Variants in R3HDM1 observed in about 807,000 individuals in gnomAD.
The protein encoded by R3HDM1 is R3H domain containing 1, also known as R3H domain-containing protein 1.
R3HDM1 carries 46 observed loss-of-function variants against 141.1 expected under a neutral mutation model. That is an observed-to-expected ratio of 0.33 (90% CI 0.26 to 0.42). R3HDM1 has a LOEUF of 0.42. Among genes scored for constraint, R3HDM1 ranks in the 10% least tolerant of loss-of-function variants. R3HDM1 has a pLI of 1.00. For missense variants in R3HDM1, 1,184 were observed against 1,368.3 expected (o/e 0.87, Z 2.12); for synonymous variants, 435 against 472.9 (o/e 0.92, Z 1.04).
intron 3 of R3HDM1, among the ~76,000 whole-genome samples, chr2:135,612,986 TTA>T (rs1178990623): frequency 6.6e-6 from 1 of 152,240 alleles, no homozygotes; most frequent in Admixed American, 6.5e-5. Flanking sequence ...TCGAAATAAA[TTA>T]TGTTATTGAA....
At chr2:135,562,400 G>A (rs1336833511) in intron 1 of R3HDM1, among the ~76,000 whole-genome samples, 1 of 152,180 alleles carries the variant, frequency 6.6e-6, no homozygotes, top group African/African-American at 2.4e-5. Context: ...TTAAAGTTGA[G>A]TATTAGATGA....
Position 135,724,283 on chromosome 2 carries a change from T to A in R3HDM1, c.3396T>A (p.Ser1132Arg), listed in dbSNP as rs1195740785. The A allele has an allele frequency of 5.6e-6, 9 of 1,607,940 alleles. No homozygotes were observed. The highest frequency in any genetic ancestry group is 1.3e-5 in the African/African-American group (1 of 74,724). ...HYDFHILERASSQ is the reference protein window; with the variant it reads ...HYDFHILERARSQ ...ACTTTCACATTTTGGAAAGGGCAAGTTCTCAGTAACAGCCACCTTTGGACC... is the reference window on the plus strand; with the variant it reads ...ACTTTCACATTTTGGAAAGGGCAAGATCTCAGTAACAGCCACCTTTGGACC... Residue 1132 changes from serine to arginine, a missense_variant, in exon 27 of 27, where the codon AGT becomes AGA. Ser to Arg is a moderately radical substitution (Grantham distance 110, BLOSUM62 -1). This residue lies in a region of R3HDM1 where 182 missense variants were observed against 252.6 expected (regional missense o/e 0.72). Coordinates refer to ENST00000683871, the MANE Select transcript of R3HDM1 (RefSeq NM_001378107.1).
At chr2:135,550,844 T>G (rs1483488967) in intron 1 of R3HDM1, among the ~76,000 whole-genome samples, 1 of 152,200 alleles carries the variant, frequency 6.6e-6, no homozygotes, top group Non-Finnish European at 1.5e-5. Context: ...TCCCCAAAAT[T>G]TAATGGGTTT....
chr2:135,678,883 CTGAG>C lies in R3HDM1; in HGVS notation c.2308-1288_2308-1285del, dbSNP rs555891523. Among the ~76,000 whole-genome samples the C allele has an allele frequency of 3.0e-3, 445 of 150,502 alleles. 2 individuals carry two copies. Among genetic ancestry groups the C allele is most frequent in the African/African-American group, 0.01 (419 of 40,992 alleles). On this transcript the variant is annotated intron_variant, in intron 20 of 26. Coordinates refer to ENST00000683871, the MANE Select transcript of R3HDM1 (RefSeq NM_001378107.1). The stretch of plus-strand genomic sequence containing the variant: ...CAAGCAATTCTTGTGCCTCAGCCTC[CTGAG>C]TAACTGGGACTACAGGCACGCGCCA...
chr2:135,542,008 A>G (rs560813638), intron 1 of R3HDM1, among the ~76,000 whole-genome samples: 2 of 152,288 alleles, frequency 1.3e-5, no homozygotes, highest in East Asian at 1.9e-4. Context: ...ATGAGACCCA[A>G]ATTTAAACAG....
intron 18 of R3HDM1, among the ~76,000 whole-genome samples, chr2:135,660,814 C>G (rs1410389173): frequency 1.3e-5 from 2 of 150,310 alleles, no homozygotes; most frequent in Non-Finnish European, 3.0e-5. Flanking sequence ...GCACTACACT[C>G]CAACCTGGGC....
intron 1 of R3HDM1, chr2:135,583,630 A>C: frequency 1.6e-6 from 1 of 640,398 alleles, no homozygotes; most frequent in Non-Finnish European, 1.9e-6. Flanking sequence ...AGATGTGTTA[A>C]ATTTCTTTTA....
In R3HDM1 at chr2:135,675,493, T is replaced by G. The variant is rs772028875; in HGVS notation, c.2307+7T>G. ...TTCAGTGCCAACATATCAGGTATAT[T>G]GTCTCTTTTATGTACTTTGGGTAGA... is the stretch of plus-strand genomic sequence containing the variant. On this transcript the variant is annotated splice_region_variant and intron_variant, in intron 20 of 26. Coordinates refer to ENST00000683871, the MANE Select transcript of R3HDM1 (RefSeq NM_001378107.1). The G allele has an allele frequency of 1.4e-5, 23 of 1,608,762 alleles. No individual in the cohort carries two copies. In the South Asian group the frequency reaches 2.4e-4, roughly 17 times the overall value.
At chr2:135,635,182 C>A (rs1011781745) in intron 9 of R3HDM1, among the ~76,000 whole-genome samples, 7 of 152,158 alleles carry the variant, frequency 4.6e-5, no homozygotes, top group Non-Finnish European at 1.0e-4. Flanking sequence ...TTAATGGATG[C>A]ACTTTGAAGT....
At chr2:135,606,976 G>T (rs575378540) in intron 3 of R3HDM1, among the ~76,000 whole-genome samples, 2 of 142,114 alleles carry the variant, frequency 1.4e-5, no homozygotes, top group Admixed American at 7.0e-5. Context: ...TTTTTTGGGT[G>T]GGGGGGCGGG....
chr2:135,716,658 G>C (rs1192651743), intron 24 of R3HDM1, among the ~76,000 whole-genome samples: 1 of 152,034 alleles, frequency 6.6e-6, no homozygotes, highest in Non-Finnish European at 1.5e-5. Context: ...ATCACTAAAA[G>C]GGGGCAATAT....
chr2:135,594,992 C>T (rs1710291874), intron 1 of R3HDM1, among the ~76,000 whole-genome samples: 1 of 142,546 alleles, frequency 7.0e-6, no homozygotes, highest in African/African-American at 2.7e-5. Flanking sequence ...CCCCCCTTTT[C>T]AATGAAGGCT....
intron 1 of R3HDM1, among the ~76,000 whole-genome samples, chr2:135,546,968 A>G (rs116486175): frequency 0.01 from 1,588 of 152,288 alleles, 24 homozygotes; most frequent in African/African-American, 0.036. Context: ...CACCGCGCCC[A>G]GCCAAGAAAT....
intron 9 of R3HDM1, among the ~76,000 whole-genome samples, 170 bp downstream of exon 9, chr2:135,632,171 T>C (rs1217758229): frequency 6.6e-6 from 1 of 152,032 alleles, no homozygotes; most frequent in Non-Finnish European, 1.5e-5. Context: ...GGGAACAAAA[T>C]GCAACAGCCT....
At chr2:135,591,458 T>C (rs1472909910) in intron 1 of R3HDM1, among the ~76,000 whole-genome samples, 1 of 152,210 alleles carries the variant, frequency 6.6e-6, no homozygotes, top group African/African-American at 2.4e-5. Flanking sequence ...GTCCAACACT[T>C]GCCAAAGTCT....
At chr2:135,554,453 G>A (rs922491770) in intron 1 of R3HDM1, among the ~76,000 whole-genome samples, 7 of 152,198 alleles carry the variant, frequency 4.6e-5, no homozygotes, top group African/African-American at 1.7e-4. Context: ...GTTATTGTGA[G>A]CATCACTCTG....
At chr2:135,558,793 TCAAA>T (rs1485547908) in intron 1 of R3HDM1, among the ~76,000 whole-genome samples, 1 of 152,184 alleles carries the variant, frequency 6.6e-6, no homozygotes, top group Non-Finnish European at 1.5e-5. Context: ...AAAATTTTTA[TCAAA>T]CAAAGGTTTC....
At chr2:135,688,747 C>A (rs2071812471) in intron 21 of R3HDM1, among the ~76,000 whole-genome samples, 1 of 152,042 alleles carries the variant, frequency 6.6e-6, no homozygotes, top group Admixed American at 6.5e-5. Flanking sequence ...ACCAGCCTGG[C>A]CAACATGGTG....
intron 1 of R3HDM1, among the ~76,000 whole-genome samples, chr2:135,580,433 G>GT (rs1226405257): frequency 3.8e-4 from 58 of 151,750 alleles, no homozygotes; most frequent in South Asian, 2.5e-3. Context: ...TTTATTATTG[G>GT]TTTTTTTTGC....
Sources: gnomAD v4.1 joint callset for allele counts (sites outside exome capture counted in the v4.1 genomes callset) on GRCh38, gnomAD v4.1.1 for gene constraint, gnomAD v4.1.1 regional missense constraint, MANE v1.5 for transcripts, NCBI Gene and HGNC (gene_info 2026-07-23, HGNC 2026-07-21) for gene names.